Variants in DLGAP1 observed in about 807,000 individuals in gnomAD.
DLGAP1 encodes DLG associated protein 1.
A neutral mutation model predicts 90.8 loss-of-function variants in DLGAP1; 11 were observed. The observed-to-expected ratio is 0.12, with a 90% CI of 0.08 to 0.20. DLGAP1 has a LOEUF of 0.20. Among genes scored for constraint, DLGAP1 ranks in the 10% least tolerant of loss-of-function variants. The probability of loss-of-function intolerance (pLI) is 1.00; values close to 1 mark genes in which losing one functional copy is unlikely to be tolerated. For missense variants in DLGAP1, 1,050 were observed against 1,333.8 expected (o/e 0.79, Z 3.31); for synonymous variants, 558 against 540.7 (o/e 1.03, Z -0.44).
intron 3 of DLGAP1, among the ~76,000 whole-genome samples, chr18:3,909,308 C>CAT (rs967887908): frequency 2.0e-5 from 3 of 152,154 alleles, no homozygotes; most frequent in African/African-American, 7.2e-5. Flanking sequence ...TTCCCTTATT[C>CAT]AAGACTCAAG....
intron 7 of DLGAP1, among the ~76,000 whole-genome samples, chr18:3,609,009 T>A (rs1411847529): frequency 2.0e-5 from 3 of 152,088 alleles, no homozygotes; most frequent in Admixed American, 2.0e-4. Flanking sequence ...CTAATTTTTA[T>A]ACTTTTAGTA....
chr18:4,179,974 G>A (rs2077179145), intron 1 of DLGAP1, among the ~76,000 whole-genome samples: 1 of 152,038 alleles, frequency 6.6e-6, no homozygotes, highest in Non-Finnish European at 1.5e-5. Flanking sequence ...CTGGATACAT[G>A]GTAGTCCTTA....
intron 6 of DLGAP1, among the ~76,000 whole-genome samples, chr18:3,730,593 C>T (rs1003168476): frequency 4.0e-5 from 6 of 151,788 alleles, no homozygotes; most frequent in South Asian, 2.1e-4. Flanking sequence ...CATGAGGCAC[C>T]GAGAATTTAA....
rs575709601 is a variant in DLGAP1, at chr18:3,776,116, G to A, written c.1173-33604C>T. Among the ~76,000 whole-genome samples the A allele has an allele frequency of 1.4e-4, 22 of 152,212 alleles. No individual in the cohort carries two copies. The East Asian group carries it at 3.7e-3, about 25-fold the overall frequency. On this transcript the variant is annotated intron_variant, in intron 5 of 12. Coordinates refer to ENST00000315677, the MANE Select transcript of DLGAP1 (RefSeq NM_004746.4). The stretch of plus-strand genomic sequence containing the variant: ...CAGTGAGCAGCCTGAGGGAAAAGAC[G>A]GGGAAGATGGTAAGTTTGTGCATTC...
intron 3 of DLGAP1, among the ~76,000 whole-genome samples, chr18:3,961,991 C>T (rs967740616): frequency 1.1e-4 from 16 of 152,136 alleles, no homozygotes; most frequent in African/African-American, 3.9e-4. Context: ...TAAAGGATCC[C>T]TTCGCCGTGT....
chr18:3,877,705 T>C (rs2071038894), intron 4 of DLGAP1, among the ~76,000 whole-genome samples: 1 of 152,244 alleles, frequency 6.6e-6, no homozygotes, highest in Non-Finnish European at 1.5e-5. Flanking sequence ...GTCCCACCTC[T>C]GCCACATGCT....
intron 1 of DLGAP1, among the ~76,000 whole-genome samples, chr18:4,420,127 A>G (rs1354006666): frequency 6.6e-6 from 1 of 152,216 alleles, no homozygotes; most frequent in Non-Finnish European, 1.5e-5. Flanking sequence ...AAAAGAGTCA[A>G]TTCTCTAAGA....
At chr18:3,798,467 G>T (rs889028759) in intron 5 of DLGAP1, among the ~76,000 whole-genome samples, 2 of 152,156 alleles carry the variant, frequency 1.3e-5, no homozygotes, top group African/African-American at 4.8e-5. Flanking sequence ...GCTACAGGCA[G>T]CTACAATGTA....
chr18:4,345,109 A>G (rs148566587), intron 1 of DLGAP1, among the ~76,000 whole-genome samples: 1 of 152,234 alleles, frequency 6.6e-6, no homozygotes, highest in East Asian at 1.9e-4. Flanking sequence ...ACCCAAGATA[A>G]GTCCGTGTCA....
intron 1 of DLGAP1, among the ~76,000 whole-genome samples, chr18:4,386,764 C>T (rs77611057): frequency 0.012 from 1,798 of 152,246 alleles, 49 homozygotes; most frequent in African/African-American, 0.041. Context: ...GAGAACAACA[C>T]TCTGAGGCCC....
chr18:3,522,478 T>C (rs2051269588), intron 10 of DLGAP1, among the ~76,000 whole-genome samples: 1 of 149,706 alleles, frequency 6.7e-6, no homozygotes. Flanking sequence ...ACTTTAGGGG[T>C]GAAGAAAGAG....
intron 3 of DLGAP1, among the ~76,000 whole-genome samples, chr18:3,971,064 T>C (rs2073438773): frequency 6.6e-6 from 1 of 152,152 alleles, no homozygotes; most frequent in Non-Finnish European, 1.5e-5. Context: ...ACCCCACATC[T>C]ATTCCAGGTT....
intron 4 of DLGAP1, among the ~76,000 whole-genome samples, chr18:3,823,754 A>G (rs960953903): frequency 2.6e-5 from 4 of 152,070 alleles, no homozygotes; most frequent in Admixed American, 6.5e-5. Flanking sequence ...GTTTGAGACC[A>G]GCCTGGCCAA....
intron 1 of DLGAP1, among the ~76,000 whole-genome samples, chr18:4,424,347 G>A (rs2083106089): frequency 6.6e-6 from 1 of 152,104 alleles, no homozygotes; most frequent in Non-Finnish European, 1.5e-5. Context: ...TGTGTTAACA[G>A]CATGCAAATT....
In DLGAP1 at chr18:3,498,236, T is replaced by C. The variant is rs2049758279; in HGVS notation, c.*949A>G. The C allele has an allele frequency of 1.3e-5, 2 of 152,086 alleles. No individual in the cohort carries two copies. The highest frequency in any genetic ancestry group is 2.1e-4 in the South Asian group (1 of 4,816). 9.4% of individuals were successfully genotyped at this position (152,086 alleles called of 1,614,324 possible). On this transcript the variant is annotated 3_prime_UTR_variant, in exon 13 of 13. Coordinates refer to ENST00000315677, the MANE Select transcript of DLGAP1 (RefSeq NM_004746.4). Reference sequence around the variant, plus strand: ...CCCACCTGGATGGACACTTAACAAATTAATAGAACCAACACTTTCCCTTTA... The same window carrying C: ...CCCACCTGGATGGACACTTAACAAACTAATAGAACCAACACTTTCCCTTTA...
At chr18:3,632,819 C>T (rs1273987489) in intron 7 of DLGAP1, among the ~76,000 whole-genome samples, 2 of 151,976 alleles carry the variant, frequency 1.3e-5, no homozygotes, top group African/African-American at 4.8e-5. Context: ...TTTTTTGGAC[C>T]GTTCAGGTGA....
intron 4 of DLGAP1, among the ~76,000 whole-genome samples, chr18:3,820,669 T>C (rs1223385067): frequency 6.6e-6 from 1 of 152,174 alleles, no homozygotes; most frequent in Non-Finnish European, 1.5e-5. Context: ...AAAATGTACA[T>C]TATGAAAGGA....
chr18:3,685,492 A>C (rs1417831596), intron 7 of DLGAP1, among the ~76,000 whole-genome samples: 1 of 139,886 alleles, frequency 7.1e-6, no homozygotes, highest in Non-Finnish European at 1.5e-5. Context: ...TGAACCCGGG[A>C]GGCAGAACTT....
At chr18:4,300,782 CT>C (rs1448602078) in intron 1 of DLGAP1, among the ~76,000 whole-genome samples, 1 of 152,126 alleles carries the variant, frequency 6.6e-6, no homozygotes, top group African/African-American at 2.4e-5. Flanking sequence ...TTATTACTGA[CT>C]TGTAAGGATT....
Sources: allele counts gnomAD v4.1 joint callset (sites outside exome capture counted in the v4.1 genomes callset), GRCh38; gene constraint gnomAD v4.1.1; transcripts MANE v1.5; gene names NCBI Gene and HGNC (gene_info 2026-07-23, HGNC 2026-07-21).